ARFGEF3: variants seen among roughly 807,000 people sequenced by gnomAD.
ARFGEF3 encodes the protein brefeldin A-inhibited guanine nucleotide-exchange protein 3.
In ARFGEF3, 96 loss-of-function variants were observed where a neutral mutation model predicts 221.7. The observed-to-expected ratio is 0.43, with a 90% CI of 0.37 to 0.51. ARFGEF3 has a LOEUF of 0.51. Among genes scored for constraint, ARFGEF3 ranks in the 20% least tolerant of loss-of-function variants. The pLI, the probability that ARFGEF3 is intolerant of heterozygous loss-of-function variation, is 0.00. For synonymous variants in ARFGEF3, 1,145 were observed against 1,126.8 expected, an observed-to-expected ratio of 1.02 and a Z score of -0.32; for missense variants, 2,410 against 2,789.9, an observed-to-expected ratio of 0.86 and a Z score of 3.07.
At chr6:138,289,765 T>C (rs1779364879) in intron 17 of ARFGEF3, 53 bp from the exon 18 acceptor site, 1 of 1,560,788 alleles carries the variant, frequency 6.4e-7, no homozygotes. Context: ...ATTTTCATTC[T>C]TTCTGTCTCC....
chr6:138,255,421 A>G lies in ARFGEF3; in HGVS notation c.771-15A>G. 1.9e-6 allele frequency: 3 copies of G among 1,555,272 alleles called. No individual in the cohort carries two copies. Among genetic ancestry groups the G allele is most frequent in the Non-Finnish European group, 2.6e-6 (3 of 1,142,890 alleles). ...GCTCGTGGGGAAAGTTACTTTTCTC[A>G]CCATCTCTTCCCAGGAAAAACCTCT... On this transcript the variant is annotated splice_polypyrimidine_tract_variant and intron_variant, in intron 9 of 33. Coordinates refer to ENST00000251691, the MANE Select transcript of ARFGEF3 (RefSeq NM_020340.5).
intron 8 of ARFGEF3, among the ~76,000 whole-genome samples, chr6:138,245,984 C>A (rs1332963355): frequency 1.3e-5 from 2 of 152,220 alleles, no homozygotes; most frequent in African/African-American, 4.8e-5. Context: ...GCCCTTTCTT[C>A]CTCTACCAAA....
At chr6:138,172,097 T>C (rs1270024708) in intron 2 of ARFGEF3, among the ~76,000 whole-genome samples, 2 of 152,210 alleles carry the variant, frequency 1.3e-5, no homozygotes, top group Non-Finnish European at 2.9e-5. Flanking sequence ...CAGGTTTACA[T>C]ATTGTAAGGG....
chr6:138,223,969 C>T (rs1005632197), intron 4 of ARFGEF3, among the ~76,000 whole-genome samples: 8 of 152,194 alleles, frequency 5.3e-5, no homozygotes, highest in African/African-American at 1.7e-4. Context: ...CCAACAACTA[C>T]GCTGGATGTG....
intron 12 of ARFGEF3, among the ~76,000 whole-genome samples, chr6:138,263,879 A>G (rs911682745): frequency 2.6e-5 from 4 of 152,250 alleles, no homozygotes; most frequent in African/African-American, 9.6e-5. Context: ...TGCATTCTAG[A>G]AAGGTGCTAC....
intron 12 of ARFGEF3, among the ~76,000 whole-genome samples, chr6:138,266,090 T>A (rs1156791035): frequency 6.6e-6 from 1 of 151,946 alleles, no homozygotes; most frequent in Non-Finnish European, 1.5e-5. Flanking sequence ...GTAGTGCACC[T>A]TTGTCCCAGC....
At chr6:138,271,846 A>C (rs1050306817) in intron 12 of ARFGEF3, among the ~76,000 whole-genome samples, 6 of 152,124 alleles carry the variant, frequency 3.9e-5, no homozygotes, top group Non-Finnish European at 5.9e-5. Context: ...CAATGTACTC[A>C]ATTTCTCCTT....
chr6:138,177,081 ATTTATTTATTTATTTATAT>A (rs1562343231), intron 2 of ARFGEF3, among the ~76,000 whole-genome samples: 2 of 138,442 alleles, frequency 1.4e-5, no homozygotes, highest in East Asian at 2.2e-4. Flanking sequence ...TTATTTATTT[ATTTATTTATTTATTTATAT>A]TTTTTTTGAG....
At chr6:138,167,334 C>T (rs939252183) in intron 1 of ARFGEF3, among the ~76,000 whole-genome samples, 15 of 152,206 alleles carry the variant, frequency 9.9e-5, no homozygotes, top group African/African-American at 3.6e-4. Context: ...GAATGTGATG[C>T]CCGTGTTTAT....
chr6:138,186,728 G>A (rs565553115), intron 2 of ARFGEF3, among the ~76,000 whole-genome samples: 1 of 152,054 alleles, frequency 6.6e-6, no homozygotes, highest in Non-Finnish European at 1.5e-5. Context: ...AAGAGGTGCT[G>A]GAGATATCCC....
intron 2 of ARFGEF3, among the ~76,000 whole-genome samples, chr6:138,172,173 C>T (rs1258080961): frequency 6.6e-6 from 1 of 152,122 alleles, no homozygotes; most frequent in African/African-American, 2.4e-5. Context: ...GAATGTCTGG[C>T]AACAACATGT....
At chr6:138,268,334 G>C (rs1409687968) in intron 12 of ARFGEF3, among the ~76,000 whole-genome samples, 1 of 152,192 alleles carries the variant, frequency 6.6e-6, no homozygotes, top group Admixed American at 6.5e-5. Flanking sequence ...TATTTATTTT[G>C]ATGTCAAAAG....
intron 4 of ARFGEF3, among the ~76,000 whole-genome samples, chr6:138,224,672 G>T (rs988527886): frequency 3.9e-5 from 6 of 152,196 alleles, no homozygotes; most frequent in African/African-American, 1.4e-4. Flanking sequence ...GCCCAGCAAG[G>T]TGCTGTAAAC....
At chr6:138,286,143 T>C in intron 15 of ARFGEF3, 90 bp downstream of exon 15, 1 of 864,004 alleles carries the variant, frequency 1.2e-6, no homozygotes, top group Non-Finnish European at 1.9e-6. Context: ...GAATCAGGAT[T>C]TTGTCTTGGT....
chr6:138,277,744 G>T (rs899555536), intron 12 of ARFGEF3, among the ~76,000 whole-genome samples: 1 of 152,188 alleles, frequency 6.6e-6, no homozygotes, highest in African/African-American at 2.4e-5. Flanking sequence ...TGATTTTATA[G>T]TGGTGATGGC....
At chr6:138,330,716 A>G (rs1434819266) in intron 32 of ARFGEF3, among the ~76,000 whole-genome samples, 2 of 146,468 alleles carry the variant, frequency 1.4e-5, no homozygotes, top group Admixed American at 1.3e-4. Context: ...GGTCAGTTTG[A>G]TTAATATAAC....
intron 2 of ARFGEF3, among the ~76,000 whole-genome samples, chr6:138,198,545 A>C (rs1012042102): frequency 2.0e-5 from 3 of 152,322 alleles, no homozygotes; most frequent in Non-Finnish European, 4.4e-5. Context: ...TTTAAATGTA[A>C]AGGACCCATA....
rs933402016 is a variant in ARFGEF3 at position 138,343,284 on chromosome 6, A to G, written c.*6798A>G. On this transcript the variant is annotated 3_prime_UTR_variant, in exon 34 of 34. Transcript: ENST00000251691. ...TTGATTCAATGAGGTTTCTCTAAAGACTTCTGCTTAATAAATATGCTGACT... is the reference window on the plus strand; with the variant it reads ...TTGATTCAATGAGGTTTCTCTAAAGGCTTCTGCTTAATAAATATGCTGACT... 1 of 152,182 alleles carries G rather than the reference A, an allele frequency of 6.6e-6. No homozygotes were observed. Among genetic ancestry groups the G allele is most frequent in the East Asian group, 1.9e-4 (1 of 5,200 alleles). 9.4% of individuals were successfully genotyped at this position (152,182 alleles called of 1,614,324 possible).
chr6:138,248,991 T>C (rs2114566515), intron 8 of ARFGEF3, among the ~76,000 whole-genome samples: 1 of 152,300 alleles, frequency 6.6e-6, no homozygotes. Flanking sequence ...AAGTTCATGG[T>C]TCTTTAAACC....
Sources: gnomAD v4.1 joint callset for allele counts (sites outside exome capture counted in the v4.1 genomes callset) on GRCh38, gnomAD v4.1.1 for gene constraint, MANE v1.5 for transcripts, NCBI Gene and HGNC (gene_info 2026-07-23, HGNC 2026-07-21) for gene names.